The following PGPEP1L variants were observed in gnomAD, a reference collection of about 807,000 sequenced individuals.
The protein encoded by PGPEP1L is pyroglutamyl-peptidase I like, also known as pyroglutamyl-peptidase 1-like protein.
In PGPEP1L, 7 loss-of-function variants were observed where a neutral mutation model predicts 6.0. The ratio of observed to expected loss-of-function variants is 1.17; its 90% confidence interval spans 0.66 to 2.19. The LOEUF (loss-of-function observed/expected upper bound fraction) is 2.19. PGPEP1L is among the 30% of genes most tolerant of loss of function. The pLI is 0.00. For synonymous variants in PGPEP1L, 103 were observed against 83.9 expected (o/e 1.23, Z -1.24); for missense variants, 209 against 192.5 (o/e 1.09, Z -0.51).
At chr15:98,993,710 A>C (rs1555472256) in intron 2 of PGPEP1L, among the ~76,000 whole-genome samples, 4 of 152,080 alleles carry the variant, frequency 2.6e-5, no homozygotes. Flanking sequence ...CATTAGGAGA[A>C]ATACCTAATA....
In PGPEP1L at chr15:99,007,727, C is replaced by A. The variant is rs549950833; in HGVS notation, c.-738G>T. 1.3e-5 allele frequency: 2 copies of A among 152,352 alleles called. No homozygotes were observed. Among genetic ancestry groups the A allele is most frequent in the Non-Finnish European group, 1.5e-5 (1 of 68,056 alleles). 9.4% of individuals were successfully genotyped at this position (152,352 alleles called of 1,614,324 possible). On this transcript the variant is annotated 5_prime_UTR_variant, in exon 1 of 5. Coordinates refer to ENST00000535714, the MANE Select transcript of PGPEP1L (RefSeq NM_001167902.2). ...GGACCCAAACAGTAAGCAGCAGCAA[C>A]GGTTATTGCAAACAAGCAAAACAAC...
intron 2 of PGPEP1L, among the ~76,000 whole-genome samples, chr15:98,977,046 G>A (rs1184703569): frequency 1.3e-5 from 2 of 149,806 alleles, no homozygotes; most frequent in Non-Finnish European, 3.0e-5. Flanking sequence ...ACTTTGATAA[G>A]AGTAGTTTGA....
At chr15:98,999,414 T>C (rs1555472745) in intron 2 of PGPEP1L, among the ~76,000 whole-genome samples, 1 of 152,190 alleles carries the variant, frequency 6.6e-6, no homozygotes, top group East Asian at 1.9e-4. Context: ...GTGGCTAAAA[T>C]AGAAAGACTG....
In PGPEP1L at chr15:98,974,578, A is replaced by G. The variant is rs138564310; in HGVS notation, c.-141-3420T>C. 3.3e-5 allele frequency among the ~76,000 whole-genome samples: 5 copies of G among 152,232 alleles called. No homozygotes were observed. In the East Asian group the frequency reaches 9.6e-4, roughly 29 times the overall value. The stretch of plus-strand genomic sequence containing the variant: ...TCTACCAAACACTTAATGAGCTGAT[A>G]CCAATTCTACTCAACTATTCTAAAA... On this transcript the variant is annotated intron_variant, in intron 2 of 4. Transcript: ENST00000535714.
At chr15:99,006,813 A>G (rs1366839588) in intron 1 of PGPEP1L, among the ~76,000 whole-genome samples, 2 of 149,674 alleles carry the variant, frequency 1.3e-5, no homozygotes, top group African/African-American at 2.5e-5. Flanking sequence ...ATATTCTTAA[A>G]CTTTTTTTTA....
At chr15:98,970,926 G>A in intron 3 of PGPEP1L, 110 bp downstream of exon 3, 1 of 1,488,780 alleles carries the variant, frequency 6.7e-7, no homozygotes, top group Non-Finnish European at 9.0e-7. Flanking sequence ...GGTGGGGCCT[G>A]GGGACGGGGT....
chr15:98,989,791 AC>A (rs2017795031), intron 2 of PGPEP1L, among the ~76,000 whole-genome samples: 1 of 152,224 alleles, frequency 6.6e-6, no homozygotes, highest in Non-Finnish European at 1.5e-5. Flanking sequence ...TCTCAGCAGA[AC>A]CCCTACAATC....
At chr15:98,971,194 T>TGGGG in intron 2 of PGPEP1L, 36 bp from the exon 3 acceptor site, 1 of 586,086 alleles carries the variant, frequency 1.7e-6, no homozygotes. Context: ...CCTCAGTTGA[T>TGGGG]GGGGGGGGGG....
At chr15:98,991,817 T>C (rs1230709710) in intron 2 of PGPEP1L, among the ~76,000 whole-genome samples, 1 of 152,160 alleles carries the variant, frequency 6.6e-6, no homozygotes, top group Non-Finnish European at 1.5e-5. Flanking sequence ...AATCAATAAA[T>C]GTAAGCCATC....
rs762455672 is a variant in PGPEP1L, at chr15:98,971,198, G to C, written c.-141-40C>G. 74 of 286,926 alleles carry C rather than the reference G, an allele frequency of 2.6e-4. 3 individuals carry two copies. In the East Asian group the frequency reaches 3.2e-3, roughly 12 times the overall value. 17.8% of individuals were successfully genotyped at this position (286,926 alleles called of 1,614,324 possible). A position where few individuals can be genotyped will look rare whatever the true frequency, so the allele number is the denominator to read the frequency against. On this transcript the variant is annotated intron_variant, in intron 2 of 4. Coordinates refer to ENST00000535714, the MANE Select transcript of PGPEP1L (RefSeq NM_001167902.2). ...AGGTGGACTTGCCTCAGTTGATGGG[G>C]GGGGGGGGGGGGTGGGCACCAAGAG...
rs1194439857 is a variant in PGPEP1L at position 99,007,505 on chromosome 15, G to C, written c.-516C>G. ...TTCTTCTGATGCTCGCATGTGTTCGGAGTTTCTTCCTTCTGGCAGATTCGT... is the reference window on the plus strand; with the variant it reads ...TTCTTCTGATGCTCGCATGTGTTCGCAGTTTCTTCCTTCTGGCAGATTCGT... On this transcript the variant is annotated 5_prime_UTR_variant, in exon 1 of 5. Coordinates refer to ENST00000535714, the MANE Select transcript of PGPEP1L (RefSeq NM_001167902.2). 6.6e-6 allele frequency: 1 copy of C among 152,238 alleles called. No homozygotes were observed. The highest frequency in any genetic ancestry group is 1.5e-5 in the Non-Finnish European group (1 of 68,076). 9.4% of individuals were successfully genotyped at this position (152,238 alleles called of 1,614,324 possible). A position where few individuals can be genotyped will look rare whatever the true frequency, so the allele number is the denominator to read the frequency against.
intron 2 of PGPEP1L, among the ~76,000 whole-genome samples, chr15:98,978,573 C>A (rs777726911): frequency 6.6e-6 from 1 of 151,896 alleles, no homozygotes; most frequent in Non-Finnish European, 1.5e-5. Flanking sequence ...CCAAAAAAAA[C>A]TGTGTAGAAC....
intron 2 of PGPEP1L, among the ~76,000 whole-genome samples, chr15:98,996,752 A>T (rs2017895143): frequency 6.6e-6 from 1 of 152,000 alleles, no homozygotes; most frequent in Admixed American, 6.6e-5. Flanking sequence ...TTGCCCAGCC[A>T]TGCAGAGGCT....
intron 2 of PGPEP1L, among the ~76,000 whole-genome samples, chr15:99,003,959 C>T (rs564314111): frequency 6.7e-6 from 1 of 148,524 alleles, no homozygotes; most frequent in South Asian, 2.1e-4. Context: ...AAAGGTTTCC[C>T]AAAGAACTTT....
intron 2 of PGPEP1L, among the ~76,000 whole-genome samples, chr15:99,004,852 C>CA (rs782578826): frequency 2.0e-5 from 3 of 151,660 alleles, no homozygotes; most frequent in Non-Finnish European, 4.4e-5. Flanking sequence ...GAGCAGCCAC[C>CA]ATTCCTTCCA....
At chr15:98,999,672 A>T (rs1395881895) in intron 2 of PGPEP1L, among the ~76,000 whole-genome samples, 4 of 152,254 alleles carry the variant, frequency 2.6e-5, no homozygotes. Flanking sequence ...GAAACTACCC[A>T]AATGTTCTTC....
At chr15:98,998,054 C>T (rs2017912158) in intron 2 of PGPEP1L, 1 of 152,580 alleles carries the variant, frequency 6.6e-6, no homozygotes, top group South Asian at 2.1e-4. Flanking sequence ...TCTCAGCAGC[C>T]ACAGAAGAAA....
At chr15:99,004,011 G>A (rs1306463910) in intron 2 of PGPEP1L, among the ~76,000 whole-genome samples, 1 of 148,146 alleles carries the variant, frequency 6.8e-6, no homozygotes, top group Non-Finnish European at 1.5e-5. Flanking sequence ...AGTCTGAAAA[G>A]ATTAAGCGAC....
At position 99,007,437 on chromosome 15, in the gene PGPEP1L, GGTGA is replaced by G. The variant is rs2018095118; in HGVS notation, c.-452_-449del. The G allele has an allele frequency of 6.6e-6, 1 of 152,342 alleles. No homozygotes were observed. The highest frequency in any genetic ancestry group is 1.5e-5 in the Non-Finnish European group (1 of 68,188). 9.4% of individuals were successfully genotyped at this position (152,342 alleles called of 1,614,324 possible). A position where few individuals can be genotyped will look rare whatever the true frequency, so the allele number is the denominator to read the frequency against. On this transcript the variant is annotated 5_prime_UTR_variant, in exon 1 of 5. An upstream open reading frame in the 5' UTR loses its in-frame stop. Coordinates refer to ENST00000535714, the MANE Select transcript of PGPEP1L (RefSeq NM_001167902.2). ...CAAGAACGAAGCCGCGGACCCTGGC[GGTGA>G]GTGTTACAGTTTTTAAAGGCAGCGT... is the stretch of plus-strand genomic sequence containing the variant.
Sources: gnomAD v4.1 joint callset for allele counts (sites outside exome capture counted in the v4.1 genomes callset) on GRCh38, gnomAD v4.1.1 for gene constraint, MANE v1.5 for transcripts, NCBI Gene and HGNC (gene_info 2026-07-23, HGNC 2026-07-21) for gene names.